SORCS2: variants seen among roughly 807,000 people sequenced by gnomAD.
SORCS2 encodes the protein sortilin related VPS10 domain containing receptor 2, also known as VPS10 domain-containing receptor SorCS2.
Under a neutral mutation model 141.6 loss-of-function variants are expected in SORCS2, and 100 were observed. The ratio of observed to expected loss-of-function variants is 0.71; its 90% CI spans 0.60 to 0.83. The LOEUF is 0.83. SORCS2 is among the 40% of genes least tolerant of loss of function. The pLI is 0.00. For missense variants in SORCS2, 1,646 were observed against 1,560.2 expected, an observed-to-expected ratio of 1.05 and a Z score of -0.93; for synonymous variants, 789 against 676.9, an observed-to-expected ratio of 1.17 and a Z score of -2.57.
chr4:7,435,864 T>C (rs767711316), intron 2 of SORCS2, among the ~76,000 whole-genome samples: 21 of 151,970 alleles, frequency 1.4e-4, no homozygotes, highest in Admixed American at 2.6e-4. Context: ...AGCCATGGAG[T>C]GGGCAGGCCA....
chr4:7,293,120 T>G (rs181508850), intron 1 of SORCS2, among the ~76,000 whole-genome samples: 1 of 152,146 alleles, frequency 6.6e-6, no homozygotes, highest in Non-Finnish European at 1.5e-5. Context: ...CTGGCTAACA[T>G]GGTGAAACCC....
intron 3 of SORCS2, among the ~76,000 whole-genome samples, chr4:7,533,596 A>C (rs1711847285): frequency 6.6e-6 from 1 of 152,130 alleles, no homozygotes; most frequent in Middle Eastern, 3.2e-3. Context: ...CTGGGATGTG[A>C]TGGTACCTCC....
Position 7,201,310 on chromosome 4 carries a change from G to T in SORCS2, c.480+8184G>T, listed in dbSNP as rs554782747. ...AAGAAGCCTGGCTCGAAGTCATAGA[G>T]ACAGCCCTGTTAATAAAGTTGCTGA... On this transcript the variant is annotated intron_variant, in intron 1 of 26. Coordinates refer to ENST00000507866, the MANE Select transcript of SORCS2 (RefSeq NM_020777.3). This position sits in a 1 kb window ranked among gnomAD's most constrained non-coding sequence, Gnocchi z 4.4. Among the ~76,000 whole-genome samples, 1 of 152,328 alleles carries T rather than the reference G, an allele frequency of 6.6e-6. No homozygotes were observed. Among genetic ancestry groups the T allele is most frequent in the South Asian group, 2.1e-4 (1 of 4,822 alleles).
At chr4:7,704,353 C>T (rs1725280037) in intron 14 of SORCS2, 69 bp downstream of exon 14, 2 of 1,361,726 alleles carry the variant, frequency 1.5e-6, no homozygotes, top group Non-Finnish European at 2.0e-6. Context: ...CCTGGGCCTA[C>T]TGTGTCCTTC....
chr4:7,377,679 C>G (rs529964554), intron 1 of SORCS2, among the ~76,000 whole-genome samples: 1 of 152,314 alleles, frequency 6.6e-6, no homozygotes, highest in South Asian at 2.1e-4. Context: ...GCAGAATGCC[C>G]TCCGCCACAG....
At chr4:7,630,638 A>C (rs950404358) in intron 3 of SORCS2, among the ~76,000 whole-genome samples, 1 of 152,180 alleles carries the variant, frequency 6.6e-6, no homozygotes, top group African/African-American at 2.4e-5. Context: ...AGCTGTGTGC[A>C]TTCAGCCACA....
chr4:7,198,169 G>A (rs751834326), intron 1 of SORCS2, among the ~76,000 whole-genome samples: 45 of 152,288 alleles, frequency 3.0e-4, no homozygotes, highest in Middle Eastern at 6.8e-3. Context: ...AGGAGAGTGG[G>A]CTGGAGAGAG....
chr4:7,723,013 G>C (rs187509194), intron 18 of SORCS2, among the ~76,000 whole-genome samples: 1 of 152,066 alleles, frequency 6.6e-6, no homozygotes, highest in Non-Finnish European at 1.5e-5. Context: ...AATCGAAGAA[G>C]TTCCTGTTTC....
At chr4:7,724,424 T>C (rs1577121835) in intron 19 of SORCS2, among the ~76,000 whole-genome samples, 1 of 140,166 alleles carries the variant, frequency 7.1e-6, no homozygotes, top group Non-Finnish European at 1.6e-5. Context: ...GAATGGATGG[T>C]GGTGGTGATA....
chr4:7,318,858 C>T (rs911111090), intron 1 of SORCS2, among the ~76,000 whole-genome samples: 3 of 152,190 alleles, frequency 2.0e-5, no homozygotes, highest in Non-Finnish European at 2.9e-5. Context: ...TTATCACTCC[C>T]CAGAATCCCT....
intron 3 of SORCS2, among the ~76,000 whole-genome samples, chr4:7,547,081 C>T (rs1339528218): frequency 2.0e-5 from 3 of 152,162 alleles, no homozygotes; most frequent in Non-Finnish European, 4.4e-5. Context: ...ACTGCAAATC[C>T]ACTCATCCCC....
chr4:7,591,725 C>T (rs376734111), intron 3 of SORCS2, among the ~76,000 whole-genome samples: 5 of 152,262 alleles, frequency 3.3e-5, no homozygotes, highest in East Asian at 3.9e-4. Context: ...CCGTAGAGCC[C>T]GGGAGAGCTT....
intron 1 of SORCS2, among the ~76,000 whole-genome samples, chr4:7,358,039 T>C (rs1474185803): frequency 6.6e-6 from 1 of 152,022 alleles, no homozygotes; most frequent in African/African-American, 2.4e-5. Flanking sequence ...AGGAGAGGAG[T>C]GCGCTGGCTC....
In SORCS2 at chr4:7,399,520, T is replaced by G. The variant is rs73084227; in HGVS notation, c.548+3165T>G. On this transcript the variant is annotated intron_variant, in intron 2 of 26. Transcript: ENST00000507866. ...CACCCCCTCCTGGCTTCCCTGATGA[T>G]CCAGTGCTCTGCCCCTTTCTTCTTG... Among the ~76,000 whole-genome samples, 1,493 of 152,284 alleles carry G rather than the reference T, an allele frequency of 9.8e-3. 26 individuals are homozygous for G. The highest frequency in any genetic ancestry group is 0.033 in the African/African-American group (1,390 of 41,542).
intron 11 of SORCS2, among the ~76,000 whole-genome samples, chr4:7,696,242 C>A (rs183950487): frequency 1.3e-5 from 2 of 152,104 alleles, no homozygotes; most frequent in African/African-American, 4.8e-5. Flanking sequence ...CCTCTGGGGC[C>A]CCAGAACAGC....
chr4:7,576,500 T>C (rs887558899), intron 3 of SORCS2, among the ~76,000 whole-genome samples: 1 of 152,234 alleles, frequency 6.6e-6, no homozygotes, highest in Non-Finnish European at 1.5e-5. Flanking sequence ...TGAGAAGGGG[T>C]TGGATTCACC....
chr4:7,195,037 C>T (rs538193130), intron 1 of SORCS2, among the ~76,000 whole-genome samples: 2 of 151,568 alleles, frequency 1.3e-5, no homozygotes, highest in South Asian at 2.1e-4. Context: ...GAGGAGGGAG[C>T]TTGGGCCAGC....
chr4:7,334,404 C>T (rs1719858525), intron 1 of SORCS2, among the ~76,000 whole-genome samples: 1 of 152,016 alleles, frequency 6.6e-6, no homozygotes, highest in African/African-American at 2.4e-5. Context: ...CCAGATTCCA[C>T]AGCCCCCCAG....
chr4:7,498,117 G>C (rs1731742555), intron 2 of SORCS2, among the ~76,000 whole-genome samples: 1 of 152,210 alleles, frequency 6.6e-6, no homozygotes, highest in Non-Finnish European at 1.5e-5. Context: ...TTCCACTGGG[G>C]GGCCAGGATG....
Sources: allele counts gnomAD v4.1 joint callset (sites outside exome capture counted in the v4.1 genomes callset), GRCh38; gene constraint gnomAD v4.1.1; non-coding constraint Gnocchi (gnomAD v3.1); transcripts MANE v1.5; gene names NCBI Gene and HGNC (gene_info 2026-07-23, HGNC 2026-07-21).